Variants in ZNF511 observed in about 807,000 individuals in gnomAD.
ZNF511 encodes the protein zinc finger protein 511.
ZNF511 carries 26 observed loss-of-function variants against 24.8 expected under a neutral mutation model. That is an observed-to-expected ratio of 1.05 (90% CI 0.77 to 1.46). The LOEUF is 1.46. Ranked by LOEUF, ZNF511 falls within the 40% of genes most tolerant of loss-of-function variation. The pLI is 0.00. For missense variants in ZNF511, 358 were observed against 345.0 expected, an observed-to-expected ratio of 1.04 and a Z score of -0.30; for synonymous variants, 144 against 139.6, an observed-to-expected ratio of 1.03 and a Z score of -0.22.
Position 133,309,814 on chromosome 10 carries a change from A to T in ZNF511, c.266A>T (p.Gln89Leu), listed in dbSNP as rs927554789. 1 of 1,613,552 alleles carries T rather than the reference A, an allele frequency of 6.2e-7. No individual in the cohort carries two copies. The highest frequency in any genetic ancestry group is 1.7e-5 in the Admixed American group (1 of 60,030). The change falls in exon 3 of 6, where the codon CAG becomes CTG. Residue 89 changes from glutamine (Q) to leucine (L), a missense_variant. By Grantham distance (113) the Gln-to-Leu change is moderately radical. Coordinates refer to ENST00000361518, the MANE Select transcript of ZNF511 (RefSeq NM_145806.4). ...GCCTGCCAGGTGGCCGGCTGCTGCC[A>T]GGTGTTCGATGCCCTGGACGACTAC... Reference protein sequence around the residue: ...AFACQVAGCCQVFDALDDYEH... With the variant: ...AFACQVAGCCLVFDALDDYEH...
At chr10:133,310,465 C>A (rs1459618260) in intron 4 of ZNF511, 177 bp downstream of exon 4, 11 of 795,832 alleles carry the variant, frequency 1.4e-5, no homozygotes, top group Non-Finnish European at 2.1e-5. Flanking sequence ...TGCCAGCGGC[C>A]ACCCTGCCGA....
intron 2 of ZNF511, 37 bp downstream of exon 2, chr10:133,309,500 T>TG: frequency 6.3e-7 from 1 of 1,595,970 alleles, no homozygotes; most frequent in Non-Finnish European, 8.5e-7. Flanking sequence ...GTGCTACTCC[T>TG]GCGCCGCCTC....
In ZNF511 at chr10:133,309,803, C is replaced by T. The variant is rs762707985; in HGVS notation, c.255C>T (p.Ala85=). ...PRVPAFACQV[A]GCCQVFDALD... ...TGCCCGCGTTTGCCTGCCAGGTGGC[C>T]GGCTGCTGCCAGGTGTTCGATGCCC... The change falls in exon 3 of 6, where the codon GCC becomes GCT. Residue 85 remains alanine (A), a synonymous_variant. Coordinates refer to ENST00000361518, the MANE Select transcript of ZNF511 (RefSeq NM_145806.4). The T allele has an allele frequency of 4.3e-6, 7 of 1,613,266 alleles. No individual in the cohort carries two copies. The highest frequency in any genetic ancestry group is 3.3e-5 in the South Asian group (3 of 91,066).
At chr10:133,309,698 C>G in intron 2 of ZNF511, 78 bp from the exon 3 acceptor site, 1 of 1,550,044 alleles carries the variant, frequency 6.5e-7, no homozygotes, top group Non-Finnish European at 8.9e-7. Flanking sequence ...TTGGACGTCT[C>G]AAAGGGAAAC....
At position 133,309,767 on chromosome 10, in the gene ZNF511, C is replaced by T. The variant is rs1847944959; in HGVS notation, c.228-9C>T. On this transcript the variant is annotated splice_polypyrimidine_tract_variant and intron_variant, in intron 2 of 5. Transcript: ENST00000361518. ...GAGGAAGGGCTCCTGAAGCACGTCTCCTTGGCAGGGTGCCCGCGTTTGCCT... is the reference window on the plus strand; with the variant it reads ...GAGGAAGGGCTCCTGAAGCACGTCTTCTTGGCAGGGTGCCCGCGTTTGCCT... 1 of 1,612,372 alleles carries T rather than the reference C, an allele frequency of 6.2e-7. No homozygotes were observed.
intron 4 of ZNF511, among the ~76,000 whole-genome samples, chr10:133,310,904 C>T (rs867732885): frequency 6.6e-6 from 1 of 151,964 alleles, no homozygotes; most frequent in South Asian, 2.1e-4. Context: ...CAGGCTCAAG[C>T]GATTCTCCCA....
rs1023741116 is a variant in ZNF511, at chr10:133,308,925, C to G, written c.-19C>G. The G allele has an allele frequency of 6.2e-5, 75 of 1,216,140 alleles. No individual in the cohort carries two copies. The highest frequency in any genetic ancestry group is 7.2e-5 in the Non-Finnish European group (70 of 974,396). 75.3% of individuals were successfully genotyped at this position (1,216,140 alleles called of 1,614,324 possible). Reference sequence around the variant, plus strand: ...CGCGGACGGTGGCCGACAGGCTGCGCCCGCCCGCGCCCGGGGTGATGCAGT... The same window carrying G: ...CGCGGACGGTGGCCGACAGGCTGCGGCCGCCCGCGCCCGGGGTGATGCAGT... On this transcript the variant is annotated 5_prime_UTR_variant, in exon 1 of 6. Coordinates refer to ENST00000361518, the MANE Select transcript of ZNF511 (RefSeq NM_145806.4).
At position 133,309,782 on chromosome 10, in the gene ZNF511, C is replaced by T. The variant is rs1847945567; in HGVS notation, c.234C>T (p.Pro78=). The change falls in exon 3 of 6, where the codon CCC becomes CCT. Residue 78 remains proline, a synonymous_variant. Transcript: ENST00000361518. ...AAGCACGTCTCCTTGGCAGGGTGCCCGCGTTTGCCTGCCAGGTGGCCGGCT... is the reference window on the plus strand; with the variant it reads ...AAGCACGTCTCCTTGGCAGGGTGCCTGCGTTTGCCTGCCAGGTGGCCGGCT... ...VADVPEKPRV[P]AFACQVAGCC... is the part of the protein sequence containing the mutation. 3 of 1,612,734 alleles carry T rather than the reference C, an allele frequency of 1.9e-6. No individual in the cohort carries two copies. Among genetic ancestry groups the T allele is most frequent in the Middle Eastern group, 1.8e-4 (1 of 5,604 alleles).
intron 5 of ZNF511, 110 bp downstream of exon 5, chr10:133,311,951 C>T (rs758383314): frequency 6.2e-6 from 10 of 1,612,492 alleles, no homozygotes; most frequent in South Asian, 2.2e-5. Context: ...AGAAAGGTAA[C>T]GCTGGGTAAG....
In ZNF511 at chr10:133,311,785, T is replaced by C. The variant is rs763603793; in HGVS notation, c.624T>C (p.Ser208=). The stretch of plus-strand genomic sequence containing the variant: ...AAGGGGAGGCCATGGAAATCTGCTC[T>C]GAGCCTGTGGCAGCCTCCCCTGCAC... ...RSEGEAMEIC[S]EPVAASPAPA... Residue 208 remains serine (S), a synonymous_variant, in exon 5 of 6, where the codon TCT becomes TCC. Transcript: ENST00000361518. The C allele has an allele frequency of 9.9e-6, 16 of 1,613,664 alleles. No homozygotes were observed. Among genetic ancestry groups the C allele is most frequent in the Non-Finnish European group, 1.4e-5 (16 of 1,180,048 alleles).
chr10:133,312,193 C>T, intron 5 of ZNF511: 1 of 1,413,620 alleles, frequency 7.1e-7, no homozygotes, highest in Non-Finnish European at 9.2e-7. Flanking sequence ...TCTAGCGTCA[C>T]CTGTGCCGTC....
In ZNF511 at chr10:133,311,811, C is replaced by T. The variant is rs561067562; in HGVS notation, c.650C>T (p.Pro217Leu). The T allele has an allele frequency of 1.6e-5, 26 of 1,613,322 alleles. No homozygotes were observed. In the African/African-American group the frequency reaches 1.9e-4, roughly 12 times the overall value. The part of the protein sequence containing the change: ...CSEPVAASPA[P>L]AGERRIYRHR... ...GAGCCTGTGGCAGCCTCCCCTGCACCGGCAGGTGAGAGGCGGATCTACAGA... is the reference window on the plus strand; with the variant it reads ...GAGCCTGTGGCAGCCTCCCCTGCACTGGCAGGTGAGAGGCGGATCTACAGA... Residue 217 changes from proline (P) to leucine (L), a missense_variant, in exon 5 of 6, where the codon CCG becomes CTG. Pro to Leu is a moderately conservative substitution (Grantham distance 98). Transcript: ENST00000361518.
chr10:133,309,235 G>A (rs1038483526), intron 1 of ZNF511, 139 bp downstream of exon 1: 1 of 975,242 alleles, frequency 1.0e-6, no homozygotes, highest in Non-Finnish European at 1.3e-6. Flanking sequence ...GACCTGAGGT[G>A]GTGGGGCGGG....
At chr10:133,309,312 C>T in intron 1 of ZNF511, 78 bp from the exon 2 acceptor site, 1 of 1,524,780 alleles carries the variant, frequency 6.6e-7, no homozygotes, top group African/African-American at 1.4e-5. Context: ...TGACTGGGGC[C>T]ACGGGTGTGG....
Position 133,309,018 on chromosome 10 carries a change from G to C in ZNF511, c.75G>C (p.Arg25=), listed in dbSNP as rs1847913515. Residue 25 remains arginine (R), a synonymous_variant, in exon 1 of 6, where the codon CGG becomes CGC. Coordinates refer to ENST00000361518, the MANE Select transcript of ZNF511 (RefSeq NM_145806.4). ...PGAAEPLPVE[R]DPAAGAAPFR... ...CGGCGGAGCCGCTGCCTGTAGAGCG[G>C]GATCCCGCGGCTGGGGCCGCGCCCT... 1 of 1,261,754 alleles carries C rather than the reference G, an allele frequency of 7.9e-7. No homozygotes were observed. The highest frequency in any genetic ancestry group is 1.0e-6 in the Non-Finnish European group (1 of 996,902). The allele number at this position is 1,261,754 out of a possible 1,614,324, so 78.2% of individuals were successfully genotyped here. A position where few individuals can be genotyped will look rare whatever the true frequency, so the allele number is the denominator to read the frequency against.
In ZNF511 at chr10:133,312,904, T is replaced by TGGGC; in HGVS notation, c.*40_*43dup. The TGGGC allele has an allele frequency of 6.2e-7, 1 of 1,613,184 alleles. No homozygotes were observed. The highest frequency in any genetic ancestry group is 8.5e-7 in the Non-Finnish European group (1 of 1,179,720). ...AGGAGTGGGGGGCAGTCACCACTGC[T>TGGGC]GGGCGTGGCATCCGCCTTGGGCCTT... On this transcript the variant is annotated 3_prime_UTR_variant, in exon 6 of 6. Transcript: ENST00000361518.
intron 4 of ZNF511, chr10:133,310,511 C>G: frequency 1.7e-6 from 1 of 582,600 alleles, no homozygotes; most frequent in Non-Finnish European, 3.0e-6. Context: ...CTGCCCAGCT[C>G]TGTGCCGGTG....
intron 5 of ZNF511, chr10:133,312,572 C>G: frequency 1.4e-6 from 2 of 1,437,200 alleles, no homozygotes; most frequent in Non-Finnish European, 1.8e-6. Context: ...CGGAGTTCTT[C>G]CCAGCGGGTG....
At chr10:133,312,482 C>G (rs753793699) in intron 5 of ZNF511, 1 of 1,279,324 alleles carries the variant, frequency 7.8e-7, no homozygotes, top group African/African-American at 1.5e-5. Flanking sequence ...GGGGCTGGGA[C>G]AGTAGGGGTT....
Sources: allele counts gnomAD v4.1 joint callset (sites outside exome capture counted in the v4.1 genomes callset), GRCh38; gene constraint gnomAD v4.1.1; transcripts MANE v1.5; gene names NCBI Gene and HGNC (gene_info 2026-07-23, HGNC 2026-07-21).